The following ZNF804A variants were observed in gnomAD, a reference collection of about 807,000 sequenced individuals.
ZNF804A encodes the protein zinc finger protein 804A.
In ZNF804A, 2 loss-of-function variants were observed where a neutral mutation model predicts 16.5. The ratio of observed to expected loss-of-function variants is 0.12; its 90% confidence interval spans 0.05 to 0.38. The LOEUF is 0.38. ZNF804A is among the 10% of genes least tolerant of loss of function. The pLI, the probability that ZNF804A is intolerant of heterozygous loss-of-function variation, is 0.99. For missense variants in ZNF804A, 1,473 were observed against 1,390.7 expected, an observed-to-expected ratio of 1.06 and a Z score of -0.94; for synonymous variants, 534 against 489.6, an observed-to-expected ratio of 1.09 and a Z score of -1.20.
intron 1 of ZNF804A, among the ~76,000 whole-genome samples, chr2:184,787,731 C>T (rs1694470648): frequency 6.6e-6 from 1 of 150,884 alleles, no homozygotes; most frequent in South Asian, 2.1e-4. Flanking sequence ...TCTTTTAGTT[C>T]CTTGTAGTTT....
At chr2:184,749,913 A>G (rs1006994477) in intron 1 of ZNF804A, among the ~76,000 whole-genome samples, 4 of 151,336 alleles carry the variant, frequency 2.6e-5, no homozygotes, top group Non-Finnish European at 4.4e-5. Flanking sequence ...ATCCTGCAAA[A>G]GTATAAAGAT....
chr2:184,775,132 G>T (rs1007333584), intron 1 of ZNF804A, among the ~76,000 whole-genome samples: 12 of 151,548 alleles, frequency 7.9e-5, no homozygotes, highest in African/African-American at 2.9e-4. Flanking sequence ...GTAATTATGG[G>T]CATGTTTAAT....
At chr2:184,754,551 A>T (rs1410998894) in intron 1 of ZNF804A, among the ~76,000 whole-genome samples, 3 of 151,874 alleles carry the variant, frequency 2.0e-5, no homozygotes, top group Non-Finnish European at 2.9e-5. Flanking sequence ...AATGTTTTTT[A>T]AATTAATGGT....
intron 1 of ZNF804A, among the ~76,000 whole-genome samples, chr2:184,644,377 AT>A (rs1365826161): frequency 2.6e-5 from 4 of 151,706 alleles, no homozygotes; most frequent in Non-Finnish European, 5.9e-5. Context: ...TATTTTTTAT[AT>A]TTTTGTGTTT....
chr2:184,686,050 A>G (rs1692624324), intron 1 of ZNF804A, among the ~76,000 whole-genome samples: 1 of 152,248 alleles, frequency 6.6e-6, no homozygotes. Context: ...CTGGTTTGCA[A>G]CAATGCCTGG....
chr2:184,670,003 T>C (rs1432264447), intron 1 of ZNF804A, among the ~76,000 whole-genome samples: 2 of 152,194 alleles, frequency 1.3e-5, no homozygotes, highest in East Asian at 3.9e-4. Context: ...CATATGAAAA[T>C]TCATTTATTT....
intron 1 of ZNF804A, among the ~76,000 whole-genome samples, chr2:184,607,164 C>G (rs1184289632): frequency 6.6e-6 from 1 of 152,196 alleles, no homozygotes; most frequent in Non-Finnish European, 1.5e-5. Flanking sequence ...AAAACAACCT[C>G]TATGTAAAAT....
Position 184,936,471 on chromosome 2 carries a change from A to G in ZNF804A, c.1075A>G (p.Lys359Glu). 1 of 1,613,974 alleles carries G rather than the reference A, an allele frequency of 6.2e-7. No individual in the cohort carries two copies. The highest frequency in any genetic ancestry group is 1.3e-5 in the African/African-American group (1 of 75,050). Residue 359 changes from lysine to glutamate, a missense_variant, in exon 4 of 4, where the codon AAA becomes GAA. Lys to Glu is a moderately conservative substitution (Grantham distance 56, BLOSUM62 1). Transcript: ENST00000302277. ...TAACAGTTTTGAGTTGTTAGGAAAT[A>G]AATCCACAGTTCTTGACATGTCTAA... ...SGNSFELLGNKSTVLDMSNDC... is the reference protein window; with the variant it reads ...SGNSFELLGNESTVLDMSNDC...
chr2:184,879,464 T>A (rs1684771534), intron 2 of ZNF804A, among the ~76,000 whole-genome samples: 1 of 151,980 alleles, frequency 6.6e-6, no homozygotes, highest in Non-Finnish European at 1.5e-5. Flanking sequence ...TCAGAAAGCA[T>A]ACCAACCGTG....
intron 1 of ZNF804A, among the ~76,000 whole-genome samples, chr2:184,682,467 A>T (rs1389469915): frequency 1.3e-5 from 2 of 151,840 alleles, no homozygotes; most frequent in Admixed American, 6.6e-5. Flanking sequence ...GCTACATTTG[A>T]TTTTTTTTGT....
At position 184,781,406 on chromosome 2, in the gene ZNF804A, A is replaced by C. The variant is rs140932558; in HGVS notation, c.112-84963A>C. 5.9e-5 allele frequency among the ~76,000 whole-genome samples: 9 copies of C among 151,886 alleles called. No individual in the cohort carries two copies. In the East Asian group the frequency reaches 7.8e-4, roughly 13 times the overall value. On this transcript the variant is annotated intron_variant, in intron 1 of 3. Transcript: ENST00000302277. ...ATTACATTTAACATGTATTTAACTC[A>C]TTTATATTTCCCCACAAAATCACAA...
At chr2:184,755,147 T>C (rs1693939526) in intron 1 of ZNF804A, among the ~76,000 whole-genome samples, 1 of 151,932 alleles carries the variant, frequency 6.6e-6, no homozygotes, top group Non-Finnish European at 1.5e-5. Context: ...TCTCGGAAGT[T>C]ATGTCAAAGT....
chr2:184,833,989 G>T (rs1317319243), intron 1 of ZNF804A, among the ~76,000 whole-genome samples: 2 of 152,002 alleles, frequency 1.3e-5, no homozygotes, highest in Non-Finnish European at 1.5e-5. Flanking sequence ...AGACCGTGTA[G>T]ATTTCAATTT....
At chr2:184,870,090 C>T (rs971417516) in intron 2 of ZNF804A, among the ~76,000 whole-genome samples, 3 of 151,998 alleles carry the variant, frequency 2.0e-5, no homozygotes, top group Middle Eastern at 3.4e-3. Flanking sequence ...CTTATCTTCC[C>T]GGTGTCTAGT....
At chr2:184,851,647 T>C (rs1695603612) in intron 1 of ZNF804A, among the ~76,000 whole-genome samples, 1 of 151,970 alleles carries the variant, frequency 6.6e-6, no homozygotes, top group Non-Finnish European at 1.5e-5. Context: ...ACAATAAATA[T>C]TGAAGTACAG....
chr2:184,633,340 G>C (rs1355096804), intron 1 of ZNF804A, among the ~76,000 whole-genome samples: 1 of 152,118 alleles, frequency 6.6e-6, no homozygotes, highest in Non-Finnish European at 1.5e-5. Context: ...ACTAGTCTCT[G>C]TAACAGATTC....
chr2:184,892,483 C>CTTTTTTTTT lies in ZNF804A; in HGVS notation c.255+25985_255+25993dup, dbSNP rs869292193. On this transcript the variant is annotated intron_variant, in intron 2 of 3. Transcript: ENST00000302277. ...CTTCTATTCCTCACATTGTTGTGTTCTTTTTTTTTTTTTTTTTTTTTTATG... is the reference window on the plus strand; with the variant it reads ...CTTCTATTCCTCACATTGTTGTGTTCTTTTTTTTTTTTTTTTTTTTTTTTTTTTTTTATG... Among the ~76,000 whole-genome samples the CTTTTTTTTT allele has an allele frequency of 2.0e-4, 21 of 105,742 alleles. No individual in the cohort carries two copies. The South Asian group carries it at 2.6e-3, about 13-fold the overall frequency. The allele number at this position is 105,742 out of a possible 152,430, so 69.4% of individuals were successfully genotyped here.
At chr2:184,619,052 A>G (rs1691376601) in intron 1 of ZNF804A, among the ~76,000 whole-genome samples, 1 of 151,932 alleles carries the variant, frequency 6.6e-6, no homozygotes, top group South Asian at 2.1e-4. Context: ...TGCTGCAGGG[A>G]ATGGGAGGGA....
In ZNF804A at chr2:184,937,727, T is replaced by C; in HGVS notation, c.2331T>C (p.His777=). 3 of 1,614,058 alleles carry C rather than the reference T, an allele frequency of 1.9e-6. No homozygotes were observed. Among genetic ancestry groups the C allele is most frequent in the Non-Finnish European group, 2.5e-6 (3 of 1,179,978 alleles). ...ATCGAAAACGTAGACAACATTCACA[T>C]TCTTATTCTTCAGATGAAAGTTTAA... ...RFYRKRRQHS[H]SYSSDESLNR... The change falls in exon 4 of 4, where the codon CAT becomes CAC. Residue 777 remains histidine, a synonymous_variant. Coordinates refer to ENST00000302277, the MANE Select transcript of ZNF804A (RefSeq NM_194250.2).
Sources: gnomAD v4.1 joint callset for allele counts (sites outside exome capture counted in the v4.1 genomes callset) on GRCh38, gnomAD v4.1.1 for gene constraint, MANE v1.5 for transcripts, NCBI Gene and HGNC (gene_info 2026-07-23, HGNC 2026-07-21) for gene names.